Variants in LIN28B observed in about 807,000 individuals in gnomAD.
The protein encoded by LIN28B is lin-28 RNA binding posttranscriptional regulator B.
Under a neutral mutation model 21.9 loss-of-function variants are expected in LIN28B, and 5 were observed. The ratio of observed to expected loss-of-function variants is 0.23; its 90% confidence interval spans 0.12 to 0.48. The LOEUF (loss-of-function observed/expected upper bound fraction) is 0.48, where lower values mean the gene tolerates loss of function less well. LIN28B is among the 20% of genes least tolerant of loss of function. The probability of loss-of-function intolerance (pLI) is 0.98; values close to 1 mark genes in which losing one functional copy is unlikely to be tolerated. For synonymous variants in LIN28B, 109 were observed against 111.3 expected (o/e 0.98, Z 0.13); for missense variants, 245 against 310.5 (o/e 0.79, Z 1.58).
chr6:105,059,205 GTA>G (rs750913053), intron 3 of LIN28B, among the ~76,000 whole-genome samples: 1 of 134,314 alleles, frequency 7.4e-6, no homozygotes, highest in Non-Finnish European at 1.6e-5. Context: ...GTGTGTGTGT[GTA>G]TATATATATG....
chr6:105,053,702 T>C (rs1036270719), intron 3 of LIN28B, among the ~76,000 whole-genome samples: 1 of 125,890 alleles, frequency 7.9e-6, no homozygotes, highest in Non-Finnish European at 1.6e-5. Flanking sequence ...TTGTATGGTG[T>C]GTGTGTGGGT....
At chr6:105,000,969 G>A (rs1770706230) in intron 2 of LIN28B, among the ~76,000 whole-genome samples, 1 of 151,864 alleles carries the variant, frequency 6.6e-6, no homozygotes, top group African/African-American at 2.4e-5. Context: ...TTTATAGATG[G>A]CAGATGTGAA....
chr6:105,009,809 T>G (rs1291364953), intron 2 of LIN28B, among the ~76,000 whole-genome samples: 2 of 152,236 alleles, frequency 1.3e-5, no homozygotes, highest in Non-Finnish European at 2.9e-5. Context: ...TTGATGTCTA[T>G]ATCATTTTCC....
In LIN28B at chr6:105,078,601, C is replaced by T. The variant is rs1312767658; in HGVS notation, c.571C>T (p.Leu191Phe). ...EAESQPCTSTLPREVGGGHGC... is the reference protein window; with the variant it reads ...EAESQPCTSTFPREVGGGHGC... ...AGAATCCCAGCCATGCACTTCAACTCTCCCTCGAGAAGTGGGAGGCGGGCA... is the reference window on the plus strand; with the variant it reads ...AGAATCCCAGCCATGCACTTCAACTTTCCCTCGAGAAGTGGGAGGCGGGCA... Residue 191 changes from leucine to phenylalanine, a missense_variant, in exon 4 of 4, where the codon CTC (leucine) becomes TTC (phenylalanine). Physicochemically the swap from Leu to Phe is conservative, Grantham distance 22. Transcript: ENST00000345080. The T allele has an allele frequency of 6.2e-7, 1 of 1,614,124 alleles. No individual in the cohort carries two copies. The highest frequency in any genetic ancestry group is 8.5e-7 in the Non-Finnish European group (1 of 1,180,006).
intron 2 of LIN28B, among the ~76,000 whole-genome samples, chr6:105,003,130 T>A (rs1400833451): frequency 6.6e-6 from 1 of 152,202 alleles, no homozygotes; most frequent in South Asian, 2.1e-4. Flanking sequence ...GGTACGACTT[T>A]TATAAAAGAC....
chr6:104,988,107 A>G (rs1352142276), intron 2 of LIN28B, among the ~76,000 whole-genome samples: 1 of 152,146 alleles, frequency 6.6e-6, no homozygotes, highest in Non-Finnish European at 1.5e-5. Context: ...ACTAGAAGTG[A>G]TGATAGTGGG....
At chr6:104,995,719 C>T (rs1444762916) in intron 2 of LIN28B, among the ~76,000 whole-genome samples, 5 of 152,074 alleles carry the variant, frequency 3.3e-5, no homozygotes, top group Admixed American at 2.0e-4. Flanking sequence ...TCTTCTGTTT[C>T]GGAAGTAGAA....
At chr6:105,062,129 T>G (rs1772133202) in intron 3 of LIN28B, among the ~76,000 whole-genome samples, 1 of 152,058 alleles carries the variant, frequency 6.6e-6, no homozygotes, top group Admixed American at 6.5e-5. Flanking sequence ...TTAGACGGAA[T>G]ATTTTCTTAA....
intron 3 of LIN28B, among the ~76,000 whole-genome samples, chr6:105,063,879 C>G (rs1772174342): frequency 6.7e-6 from 1 of 148,466 alleles, no homozygotes. Context: ...TTCAATACGT[C>G]TTATTAAATA....
intron 2 of LIN28B, among the ~76,000 whole-genome samples, chr6:104,985,849 G>A (rs1293228528): frequency 6.6e-6 from 1 of 152,052 alleles, no homozygotes; most frequent in Non-Finnish European, 1.5e-5. Flanking sequence ...AGGTTTATTT[G>A]TTTTGTCTTA....
chr6:104,985,456 G>A (rs1434397579), intron 2 of LIN28B, among the ~76,000 whole-genome samples: 2 of 152,060 alleles, frequency 1.3e-5, no homozygotes, highest in African/African-American at 4.8e-5. Context: ...TCAATTGATT[G>A]TTCTTTTTTA....
chr6:105,067,955 A>G (rs982998002), intron 3 of LIN28B, among the ~76,000 whole-genome samples: 4 of 152,080 alleles, frequency 2.6e-5, no homozygotes, highest in African/African-American at 9.7e-5. Flanking sequence ...CCCATTTCTC[A>G]GTGATCTGCA....
chr6:105,056,265 T>C (rs1772022134), intron 3 of LIN28B, among the ~76,000 whole-genome samples: 1 of 151,906 alleles, frequency 6.6e-6, no homozygotes, highest in African/African-American at 2.4e-5. Context: ...GTAGTAATTT[T>C]TTTATTGTAT....
At chr6:105,044,118 C>G (rs1355690752) in intron 3 of LIN28B, among the ~76,000 whole-genome samples, 3 of 152,038 alleles carry the variant, frequency 2.0e-5, no homozygotes, top group Admixed American at 2.0e-4. Flanking sequence ...TTAAATCCAT[C>G]AAAAGTTTTA....
intron 2 of LIN28B, among the ~76,000 whole-genome samples, chr6:104,979,853 T>C: frequency 6.6e-6 from 1 of 152,222 alleles, no homozygotes; most frequent in East Asian, 1.9e-4. Context: ...TGATATTCTG[T>C]ATTATTTCTT....
intron 2 of LIN28B, among the ~76,000 whole-genome samples, chr6:105,011,701 T>G (rs1448906451): frequency 6.6e-6 from 1 of 150,896 alleles, no homozygotes; most frequent in Non-Finnish European, 1.5e-5. Context: ...AATACAAAAA[T>G]TAGCCGGGCA....
chr6:104,996,831 G>C (rs899890018), intron 2 of LIN28B, among the ~76,000 whole-genome samples: 1 of 152,082 alleles, frequency 6.6e-6, no homozygotes, highest in African/African-American at 2.4e-5. Context: ...AAAAATGTTT[G>C]TCCAAGCCAG....
At position 104,958,308 on chromosome 6, in the gene LIN28B, C is replaced by A. The variant is rs112660968; in HGVS notation, c.198+22C>A. The A allele has an allele frequency of 3.3e-6, 5 of 1,532,836 alleles. No individual in the cohort carries two copies. In the African/African-American group the frequency reaches 5.4e-5, roughly 17 times the overall value. The allele number at this position is 1,532,836 out of a possible 1,614,324, so 95.0% of individuals were successfully genotyped here. ...CCAAGTAAGCCAAACTTTTTTGTCCCCCTCTTCATCTTTTTCCATGTGGAG... is the reference window on the plus strand; with the variant it reads ...CCAAGTAAGCCAAACTTTTTTGTCCACCTCTTCATCTTTTTCCATGTGGAG... On this transcript the variant is annotated intron_variant, in intron 2 of 3. Transcript: ENST00000345080.
intron 2 of LIN28B, among the ~76,000 whole-genome samples, chr6:105,005,364 A>G (rs1305254175): frequency 6.6e-6 from 1 of 152,098 alleles, no homozygotes; most frequent in Non-Finnish European, 1.5e-5. Context: ...GTGAAAACTC[A>G]TATCCTTCTG....
Sources: allele counts gnomAD v4.1 joint callset (sites outside exome capture counted in the v4.1 genomes callset), GRCh38; gene constraint gnomAD v4.1.1; transcripts MANE v1.5; gene names NCBI Gene and HGNC (gene_info 2026-07-23, HGNC 2026-07-21).